Variants in LOXHD1 observed in about 807,000 individuals in gnomAD.
The protein encoded by LOXHD1 is lipoxygenase homology domain-containing protein 1.
Under a neutral mutation model 248.2 loss-of-function variants are expected in LOXHD1, and 205 were observed. The observed-to-expected ratio is 0.83, with a 90% confidence interval of 0.74 to 0.93. The LOEUF (loss-of-function observed/expected upper bound fraction) is 0.93. Among genes scored for constraint, LOXHD1 ranks in the 40% least tolerant of loss-of-function variants. The pLI, the probability that LOXHD1 is intolerant of heterozygous loss-of-function variation, is 0.00. For synonymous variants in LOXHD1, 1,113 were observed against 1,162.8 expected, an observed-to-expected ratio of 0.96 and a Z score of 0.87; for missense variants, 2,930 against 2,971.6, an observed-to-expected ratio of 0.99 and a Z score of 0.33.
intron 12 of LOXHD1, among the ~76,000 whole-genome samples, chr18:46,587,040 G>C (rs1335240328): frequency 2.0e-5 from 3 of 152,198 alleles, no homozygotes; most frequent in Admixed American, 6.5e-5. Flanking sequence ...GCTGGTATAG[G>C]TAGGCACTTA....
At chr18:46,633,120 T>G (rs1041125267) in intron 4 of LOXHD1, among the ~76,000 whole-genome samples, 4 of 152,146 alleles carry the variant, frequency 2.6e-5, no homozygotes, top group Non-Finnish European at 5.9e-5. Flanking sequence ...TAATGAACAT[T>G]TGGAATGCAT....
rs58133514 is a variant in LOXHD1 at position 46,561,338 on chromosome 18, G to A, written c.2599-793C>T. ...CCAGGATGGGCATAGCACATAACTG[G>A]CCCAAAGGGCAGTGTTGATGGCATC... On this transcript the variant is annotated intron_variant, in intron 18 of 40. Transcript: ENST00000642948. 9.3e-3 allele frequency among the ~76,000 whole-genome samples: 1,409 copies of A among 152,228 alleles called. 18 individuals carry two copies. The highest frequency in any genetic ancestry group is 0.032 in the African/African-American group (1,347 of 41,528).
At chr18:46,551,505 GAATTGTCTGAGC>G (rs1421942390) in intron 21 of LOXHD1, among the ~76,000 whole-genome samples, 1 of 151,972 alleles carries the variant, frequency 6.6e-6, no homozygotes. Context: ...TAGACTCCAG[GAATTGTCTGAGC>G]AGCACAAAGG....
intron 28 of LOXHD1, among the ~76,000 whole-genome samples, chr18:46,530,734 G>T (rs910115784): frequency 1.3e-5 from 2 of 152,102 alleles, no homozygotes; most frequent in Non-Finnish European, 2.9e-5. Context: ...CCCACAGCAG[G>T]GTTCCCATGA....
chr18:46,571,740 T>C (rs2037755590), intron 15 of LOXHD1, among the ~76,000 whole-genome samples: 1 of 152,350 alleles, frequency 6.6e-6, no homozygotes, highest in South Asian at 2.1e-4. Flanking sequence ...AAGATGATAC[T>C]TGGCATTTTT....
At chr18:46,646,336 G>A (rs145489331) in intron 2 of LOXHD1, among the ~76,000 whole-genome samples, 12 of 152,312 alleles carry the variant, frequency 7.9e-5, no homozygotes, top group African/African-American at 1.9e-4. Context: ...GGTTGCATGG[G>A]CAGCCTGGAA....
intron 14 of LOXHD1, among the ~76,000 whole-genome samples, chr18:46,574,637 C>T (rs933074027): frequency 1.3e-5 from 2 of 148,802 alleles, no homozygotes; most frequent in Non-Finnish European, 3.0e-5. Flanking sequence ...AAAAAAAATG[C>T]ATGCACTGTT....
chr18:46,477,699 C>A lies in LOXHD1; in HGVS notation c.6595G>T (p.Glu2199Ter). Reference protein sequence around the residue: ...ELKQKMRNLFERGSTDRFFLE... With the variant: ...ELKQKMRNLF ...AAGAAGCGGTCTGTGCTGCCCCGCTCGAAGAGGTTGCGCATTTTCTGCTTC... is the reference window on the plus strand; with the variant it reads ...AAGAAGCGGTCTGTGCTGCCCCGCTAGAAGAGGTTGCGCATTTTCTGCTTC... Residue 2199 changes from glutamate (E) to a stop codon, truncating the protein, a stop_gained, in exon 41 of 41, where the codon GAG (glutamate) becomes TAG (stop). Transcript: ENST00000642948. LOFTEE classifies it high-confidence loss of function. 6.4e-7 allele frequency: 1 copy of A among 1,551,922 alleles called. No homozygotes were observed. The highest frequency in any genetic ancestry group is 8.7e-7 in the Non-Finnish European group (1 of 1,147,038).
At chr18:46,571,972 C>G (rs557804046) in intron 15 of LOXHD1, 114 bp downstream of exon 15, 12 of 893,936 alleles carry the variant, frequency 1.3e-5, no homozygotes, top group African/African-American at 8.2e-5. Flanking sequence ...CCTCCCTCCC[C>G]ACTGCCACCT....
At chr18:46,569,740 T>TG (rs2049390918) in intron 15 of LOXHD1, 102 bp from the exon 16 acceptor site, 3 of 894,538 alleles carry the variant, frequency 3.4e-6, no homozygotes, top group Non-Finnish European at 5.0e-6. Context: ...TGGAGGTTTG[T>TG]GGGGAACACA....
chr18:46,611,599 T>G (rs2038509369), intron 5 of LOXHD1, among the ~76,000 whole-genome samples: 1 of 152,228 alleles, frequency 6.6e-6, no homozygotes, highest in Non-Finnish European at 1.5e-5. Flanking sequence ...GCACCAATTT[T>G]TGCTGAAACC....
chr18:46,622,542 G>T (rs1486469225), intron 4 of LOXHD1, among the ~76,000 whole-genome samples: 1 of 152,170 alleles, frequency 6.6e-6, no homozygotes, highest in African/African-American at 2.4e-5. Flanking sequence ...GCAGGGGGTG[G>T]TGGGTAGATC....
chr18:46,653,063 GT>G (rs1274264910), intron 1 of LOXHD1, among the ~76,000 whole-genome samples: 2 of 152,088 alleles, frequency 1.3e-5, no homozygotes, highest in Non-Finnish European at 1.5e-5. Context: ...GCTGACCAAC[GT>G]GGTGAAACCC....
chr18:46,524,500 G>A lies in LOXHD1; in HGVS notation c.4842C>T (p.Thr1614=), dbSNP rs779714173. ...CTTGAACGTAGTCAGCCATGGGCCC[G>A]GTCACTGTGCTGATGTCGACATCGG... is the stretch of plus-strand genomic sequence containing the variant. ...KMADVDISTV[T]GPMADYVQEG... The change falls in exon 31 of 41, where the codon ACC becomes ACT. Residue 1614 remains threonine, a synonymous_variant. Transcript: ENST00000642948. 46 of 1,551,722 alleles carry A rather than the reference G, an allele frequency of 3.0e-5. No individual in the cohort carries two copies. The Admixed American group carries it at 3.3e-4, about 11-fold the overall frequency.
intron 34 of LOXHD1, among the ~76,000 whole-genome samples, chr18:46,511,297 C>T (rs965244744): frequency 1.3e-5 from 2 of 152,138 alleles, no homozygotes; most frequent in South Asian, 2.1e-4. Context: ...TTCCAGGTGC[C>T]CCAGACCCCC....
At chr18:46,507,452 T>C (rs1280005179) in intron 36 of LOXHD1, 86 bp downstream of exon 36, 3 of 1,471,924 alleles carry the variant, frequency 2.0e-6, no homozygotes, top group Non-Finnish European at 1.9e-6. Context: ...TGAAGAAAAA[T>C]GCCCTGACCA....
intron 17 of LOXHD1, 72 bp downstream of exon 17, chr18:46,566,185 T>G: frequency 6.8e-7 from 1 of 1,464,078 alleles, no homozygotes; most frequent in Non-Finnish European, 9.2e-7. Flanking sequence ...TGCCCCATGG[T>G]CCCTCCTCCT....
At chr18:46,633,858 A>T (rs2038859106) in intron 4 of LOXHD1, among the ~76,000 whole-genome samples, 1 of 152,258 alleles carries the variant, frequency 6.6e-6, no homozygotes, top group South Asian at 2.1e-4. Flanking sequence ...ACCAATAAGC[A>T]CATGAAGAGA....
At chr18:46,490,526 A>G (rs899821446) in intron 37 of LOXHD1, among the ~76,000 whole-genome samples, 1 of 152,230 alleles carries the variant, frequency 6.6e-6, no homozygotes, top group African/African-American at 2.4e-5. Context: ...CCCAGGCTGG[A>G]GTGCAATGGC....
Sources: gnomAD v4.1 joint callset for allele counts (sites outside exome capture counted in the v4.1 genomes callset) on GRCh38, gnomAD v4.1.1 for gene constraint, MANE v1.5 for transcripts, NCBI Gene and HGNC (gene_info 2026-07-23, HGNC 2026-07-21) for gene names.